The following AQP3 variants were observed in gnomAD, a reference collection of about 807,000 sequenced individuals.
AQP3 encodes aquaporin 3 (Gill blood group).
AQP3 carries 15 observed loss-of-function variants against 30.3 expected under a neutral mutation model. That is an observed-to-expected ratio of 0.49 (90% CI 0.33 to 0.76). The LOEUF (loss-of-function observed/expected upper bound fraction) is 0.76, where lower values mean the gene tolerates loss of function less well. Among genes scored for constraint, AQP3 ranks in the 30% least tolerant of loss-of-function variants. The probability of loss-of-function intolerance (pLI) is 0.02; values close to 1 mark genes in which losing one functional copy is unlikely to be tolerated. For missense variants in AQP3, 272 were observed against 384.8 expected, an observed-to-expected ratio of 0.71 and a Z score of 2.45; for synonymous variants, 153 against 163.2, an observed-to-expected ratio of 0.94 and a Z score of 0.47.
Position 33,442,228 on chromosome 9 carries a change from T to C in AQP3, c.711-17A>G. Reference sequence around the variant, plus strand: ...TGGCCGGTCCTGGGGGGACAGACACTCATAGTCAGGGACATGGGGGGCAGG... The same window carrying C: ...TGGCCGGTCCTGGGGGGACAGACACCCATAGTCAGGGACATGGGGGGCAGG... On this transcript the variant is annotated splice_polypyrimidine_tract_variant and intron_variant, in intron 5 of 5. Coordinates refer to ENST00000297991, the MANE Select transcript of AQP3 (RefSeq NM_004925.5). 1.2e-6 allele frequency: 2 copies of C among 1,610,146 alleles called. No homozygotes were observed. Among genetic ancestry groups the C allele is most frequent in the African/African-American group, 2.7e-5 (2 of 74,418 alleles).
Position 33,441,704 on chromosome 9 carries a change from A to G in AQP3, c.*339T>C, listed in dbSNP as rs1183886592. The G allele has an allele frequency of 1.0e-5, 4 of 386,886 alleles. No individual in the cohort carries two copies. The highest frequency in any genetic ancestry group is 1.1e-3 in the Middle Eastern group (2 of 1,884). 24.0% of individuals were successfully genotyped at this position (386,886 alleles called of 1,614,324 possible). On this transcript the variant is annotated 3_prime_UTR_variant, in exon 6 of 6. Transcript: ENST00000297991. ...GGTCCCTTGCCCTGAATATCTGGGAACCCCCCCCACACACACACACCCCTG... is the reference window on the plus strand; with the variant it reads ...GGTCCCTTGCCCTGAATATCTGGGAGCCCCCCCCACACACACACACCCCTG...
chr9:33,442,178 C>T lies in AQP3; in HGVS notation c.744G>A (p.Val248=), dbSNP rs756551735. 3 of 1,612,952 alleles carry T rather than the reference C, an allele frequency of 1.9e-6. No individual in the cohort carries two copies. Among genetic ancestry groups the T allele is most frequent in the Admixed American group, 1.7e-5 (1 of 59,990 alleles). ...TGQHWWWVPI[V]SPLLGSIAGV... ...CCGCAATGGAGCCCAGGAGTGGGGACACGATGGGCACCCACCACCAATGCT... is the reference window on the plus strand; with the variant it reads ...CCGCAATGGAGCCCAGGAGTGGGGATACGATGGGCACCCACCACCAATGCT... The change falls in exon 6 of 6, where the codon GTG becomes GTA. Residue 248 remains valine, a synonymous_variant. Coordinates refer to ENST00000297991, the MANE Select transcript of AQP3 (RefSeq NM_004925.5).
At chr9:33,445,426 G>A (rs544411909) in intron 1 of AQP3, among the ~76,000 whole-genome samples, 1 of 152,304 alleles carries the variant, frequency 6.6e-6, no homozygotes, top group South Asian at 2.1e-4. Flanking sequence ...AAGAGATAAC[G>A]GAGAAGCCAG....
chr9:33,441,713 AC>A lies in AQP3; in HGVS notation c.*329del. On this transcript the variant is annotated 3_prime_UTR_variant, in exon 6 of 6. Coordinates refer to ENST00000297991, the MANE Select transcript of AQP3 (RefSeq NM_004925.5). ...CCCTGAATATCTGGGAACCCCCCCC[AC>A]ACACACACACCCCTGCACACACATG... 3.3e-6 allele frequency: 1 copy of A among 299,048 alleles called. No homozygotes were observed. The highest frequency in any genetic ancestry group is 6.2e-6 in the Non-Finnish European group (1 of 160,846). 18.5% of individuals were successfully genotyped at this position (299,048 alleles called of 1,614,324 possible).
At chr9:33,444,796 G>A (rs369979882) in intron 1 of AQP3, among the ~76,000 whole-genome samples, 9 of 151,828 alleles carry the variant, frequency 5.9e-5, no homozygotes, top group Admixed American at 3.9e-4. Context: ...CTGTCCCAGC[G>A]TCTCCTCTCT....
Position 33,442,187 on chromosome 9 carries a change from C to T in AQP3, c.735G>A (p.Val245=). 1.2e-6 allele frequency: 2 copies of T among 1,612,814 alleles called. No individual in the cohort carries two copies. Among genetic ancestry groups the T allele is most frequent in the Non-Finnish European group, 1.7e-6 (2 of 1,179,798 alleles). The change falls in exon 6 of 6, where the codon GTG becomes GTA. Residue 245 remains valine (V), a synonymous_variant. Coordinates refer to ENST00000297991, the MANE Select transcript of AQP3 (RefSeq NM_004925.5). ...VFTTGQHWWW[V]PIVSPLLGSI... is the part of the protein sequence containing the mutation. ...AGCCCAGGAGTGGGGACACGATGGG[C>T]ACCCACCACCAATGCTGGCCGGTCC...
chr9:33,446,724 T>C (rs777566273), intron 1 of AQP3, among the ~76,000 whole-genome samples: 15 of 152,212 alleles, frequency 9.9e-5, no homozygotes, highest in Non-Finnish European at 1.5e-4. Flanking sequence ...AGAATGCTTG[T>C]CGTCTTCTGC....
Position 33,443,740 on chromosome 9 carries a change from G to A in AQP3, c.235+26C>T. The A allele has an allele frequency of 6.2e-7, 1 of 1,613,750 alleles. No individual in the cohort carries two copies. Among genetic ancestry groups the A allele is most frequent in the South Asian group, 1.1e-5 (1 of 90,906 alleles). On this transcript the variant is annotated intron_variant, in intron 2 of 5. Transcript: ENST00000297991. This position sits in a 1 kb window ranked among gnomAD's most constrained non-coding sequence, Gnocchi z 5.0. The stretch of plus-strand genomic sequence containing the variant: ...AGTGGGAATGCTATTGAGGGCCAAG[G>A]GCTGGGGGCAGGGTTAAGGCCTTAC...
chr9:33,443,824 G>A lies in AQP3; in HGVS notation c.177C>T (p.Ile59=), dbSNP rs757660934. ...SRGTHGGFLT[I]NLAFGFAVTL... ...TGACAGCAAAGCCAAAGGCCAGGTT[G>A]ATGGTGAGGAAACCACCGTGGGTGC... The change falls in exon 2 of 6, where the codon ATC becomes ATT. Residue 59 remains isoleucine (I), a synonymous_variant. Transcript: ENST00000297991. This position sits in a 1 kb window ranked among gnomAD's most constrained non-coding sequence, Gnocchi z 5.0. The A allele has an allele frequency of 9.9e-6, 16 of 1,613,928 alleles. No individual in the cohort carries two copies. The highest frequency in any genetic ancestry group is 1.4e-5 in the Non-Finnish European group (16 of 1,179,992).
In AQP3 at chr9:33,441,736, CATGCACACA is replaced by C; in HGVS notation, c.*298_*306del. The stretch of plus-strand genomic sequence containing the variant: ...CCACACACACACACCCCTGCACACA[CATGCACACA>C]CATGCACACACATGCACACACACAC... On this transcript the variant is annotated 3_prime_UTR_variant, in exon 6 of 6. Transcript: ENST00000297991. The C allele has an allele frequency of 2.0e-6, 1 of 499,838 alleles. No individual in the cohort carries two copies. The highest frequency in any genetic ancestry group is 5.1e-5 in the African/African-American group (1 of 19,572). The allele number at this position is 499,838 out of a possible 1,614,324, so 31.0% of individuals were successfully genotyped here. A position where few individuals can be genotyped will look rare whatever the true frequency, so the allele number is the denominator to read the frequency against.
intron 1 of AQP3, among the ~76,000 whole-genome samples, chr9:33,446,561 C>A (rs1222091460): frequency 3.3e-5 from 5 of 152,158 alleles, no homozygotes; most frequent in Non-Finnish European, 7.3e-5. Context: ...ACTGGTGGGT[C>A]TGCCAGACCT....
At chr9:33,446,529 C>T (rs909922922) in intron 1 of AQP3, among the ~76,000 whole-genome samples, 2 of 152,180 alleles carry the variant, frequency 1.3e-5, no homozygotes, top group African/African-American at 2.4e-5. Context: ...ATCAGAGTAA[C>T]TGGGACAGGA....
chr9:33,443,557 G>C lies in AQP3; in HGVS notation c.236-99C>G, dbSNP rs1826873167. Reference sequence around the variant, plus strand: ...GTGCAGAGAGGGGTTTCTTGCACAGGATGGCGGTTGGTCTATGTAACAGGT... The same window carrying C: ...GTGCAGAGAGGGGTTTCTTGCACAGCATGGCGGTTGGTCTATGTAACAGGT... On this transcript the variant is annotated intron_variant, in intron 2 of 5. Transcript: ENST00000297991. The surrounding 1 kb of genome is among the most constrained non-coding windows in gnomAD (Gnocchi z 5.0). 3.3e-6 allele frequency: 5 copies of C among 1,507,678 alleles called. No homozygotes were observed. The East Asian group carries it at 7.2e-5, about 22-fold the overall frequency. The allele number at this position is 1,507,678 out of a possible 1,614,324, so 93.4% of individuals were successfully genotyped here. A position where few individuals can be genotyped will look rare whatever the true frequency, so the allele number is the denominator to read the frequency against.
In AQP3 at chr9:33,441,895, A is replaced by G; in HGVS notation, c.*148T>C. On this transcript the variant is annotated 3_prime_UTR_variant, in exon 6 of 6. Coordinates refer to ENST00000297991, the MANE Select transcript of AQP3 (RefSeq NM_004925.5). Reference sequence around the variant, plus strand: ...TGGGCAAGGTCCAGTGGAAATCCTGAAGGGGCTGTCTCGTGGGGTGAGGGT... The same window carrying G: ...TGGGCAAGGTCCAGTGGAAATCCTGGAGGGGCTGTCTCGTGGGGTGAGGGT... 7.7e-7 allele frequency: 1 copy of G among 1,293,936 alleles called. No homozygotes were observed. The highest frequency in any genetic ancestry group is 1.9e-4 in the Middle Eastern group (1 of 5,206). The allele number at this position is 1,293,936 out of a possible 1,614,324, so 80.2% of individuals were successfully genotyped here. A position where few individuals can be genotyped will look rare whatever the true frequency, so the allele number is the denominator to read the frequency against.
In AQP3 at chr9:33,441,837, C is replaced by A; in HGVS notation, c.*206G>T. On this transcript the variant is annotated 3_prime_UTR_variant, in exon 6 of 6. Coordinates refer to ENST00000297991, the MANE Select transcript of AQP3 (RefSeq NM_004925.5). ...GTATTGACCCAAATTCCGGTTCCAC[C>A]CCAGCTTAGGGGCAGTGGCCTAAGG... is the stretch of plus-strand genomic sequence containing the variant. The A allele has an allele frequency of 1.3e-6, 1 of 795,626 alleles. No homozygotes were observed. The highest frequency in any genetic ancestry group is 2.0e-6 in the Non-Finnish European group (1 of 494,540). 49.3% of individuals were successfully genotyped at this position (795,626 alleles called of 1,614,324 possible).
At chr9:33,447,298 G>A (rs918772306) in intron 1 of AQP3, 125 bp downstream of exon 1, 2 of 840,248 alleles carry the variant, frequency 2.4e-6, no homozygotes, top group African/African-American at 1.7e-5. Context: ...GCGGTTAAGC[G>A]TGGGGGTCAC....
intron 1 of AQP3, among the ~76,000 whole-genome samples, chr9:33,445,136 A>G (rs897779976): frequency 2.2e-4 from 34 of 152,298 alleles, no homozygotes; most frequent in African/African-American, 7.7e-4. Context: ...GTCTCTATTT[A>G]AAAAAGAAAA....
rs201240634 is a variant in AQP3, at chr9:33,443,410, C to T, written c.284G>A (p.Arg95His). The stretch of plus-strand genomic sequence containing the variant: ...GATGGGCAGCTTGATCCAGGGCTCA[C>T]GAGCCAGGAAGCACATGGCAAAGGT... ...AVTFAMCFLA[R>H]EPWIKLPIYT... Residue 95 changes from arginine (R) to histidine (H), a missense_variant, in exon 3 of 6, where the codon CGT (arginine) becomes CAT (histidine). Physicochemically the swap from Arg to His is conservative, Grantham distance 29. This residue lies in a region of AQP3 where 170 missense variants were observed against 286.4 expected (regional missense o/e 0.59). Transcript: ENST00000297991. The surrounding 1 kb of genome is among the most constrained non-coding windows in gnomAD (Gnocchi z 5.0). The T allele has an allele frequency of 2.7e-5, 43 of 1,609,054 alleles. No individual in the cohort carries two copies. Among genetic ancestry groups the T allele is most frequent in the Non-Finnish European group, 3.5e-5 (41 of 1,178,092 alleles).
In AQP3 at chr9:33,441,295, T is replaced by C. The variant is rs1356204855; in HGVS notation, c.*748A>G. On this transcript the variant is annotated 3_prime_UTR_variant, in exon 6 of 6. Coordinates refer to ENST00000297991, the MANE Select transcript of AQP3 (RefSeq NM_004925.5). ...GGATCCCTAAGACTGTAACATCTGCTACATACATTAAAAACAAAACAAAAC... is the reference window on the plus strand; with the variant it reads ...GGATCCCTAAGACTGTAACATCTGCCACATACATTAAAAACAAAACAAAAC... The C allele has an allele frequency of 3.9e-5, 6 of 153,252 alleles. No homozygotes were observed. The highest frequency in any genetic ancestry group is 1.4e-4 in the African/African-American group (6 of 41,406). 9.5% of individuals were successfully genotyped at this position (153,252 alleles called of 1,614,324 possible).
Sources: gnomAD v4.1 joint callset for allele counts (sites outside exome capture counted in the v4.1 genomes callset) on GRCh38, gnomAD v4.1.1 for gene constraint, gnomAD v4.1.1 regional missense constraint, Gnocchi (gnomAD v3.1) non-coding constraint, MANE v1.5 for transcripts, NCBI Gene and HGNC (gene_info 2026-07-23, HGNC 2026-07-21) for gene names.